The following CHSY3 variants were observed in gnomAD, a reference collection of about 807,000 sequenced individuals.
The protein encoded by CHSY3 is N-acetylgalactosaminyl-proteoglycan 3-beta-glucuronosyltransferase 3.
Under a neutral mutation model 67.2 loss-of-function variants are expected in CHSY3, and 35 were observed. That is an observed-to-expected ratio of 0.52 (90% confidence interval 0.40 to 0.69). The LOEUF (loss-of-function observed/expected upper bound fraction) is 0.69. CHSY3 is among the 30% of genes least tolerant of loss of function. The pLI, the probability that CHSY3 is intolerant of heterozygous loss-of-function variation, is 0.00. For synonymous variants in CHSY3, 474 were observed against 434.7 expected (o/e 1.09, Z -1.12); for missense variants, 1,069 against 1,138.5 (o/e 0.94, Z 0.88).
chr5:130,142,921 G>A (rs1030753438), intron 2 of CHSY3, among the ~76,000 whole-genome samples: 1 of 152,190 alleles, frequency 6.6e-6, no homozygotes, highest in African/African-American at 2.4e-5. Flanking sequence ...GAGCGAGCCA[G>A]AGGAAAGGGA....
chr5:129,944,647 A>G (rs1761799208), intron 2 of CHSY3, among the ~76,000 whole-genome samples: 1 of 152,134 alleles, frequency 6.6e-6, no homozygotes, highest in Non-Finnish European at 1.5e-5. Context: ...GAACAAATTT[A>G]TTATTTTGAA....
chr5:130,130,818 A>G (rs973924379), intron 2 of CHSY3, among the ~76,000 whole-genome samples: 3 of 152,120 alleles, frequency 2.0e-5, no homozygotes, highest in African/African-American at 7.2e-5. Context: ...TCTGTGAACC[A>G]CTTGTAGCAG....
At chr5:130,130,166 T>G (rs1768433709) in intron 2 of CHSY3, among the ~76,000 whole-genome samples, 1 of 152,146 alleles carries the variant, frequency 6.6e-6, no homozygotes, top group African/African-American at 2.4e-5. Flanking sequence ...CATGATTTAA[T>G]TTTTAAAGGT....
At chr5:130,128,449 C>G (rs1561549915) in intron 2 of CHSY3, among the ~76,000 whole-genome samples, 1 of 151,960 alleles carries the variant, frequency 6.6e-6, no homozygotes, top group East Asian at 1.9e-4. Flanking sequence ...AGTGATCCCA[C>G]TTATATGTAG....
At chr5:130,101,911 G>T (rs1014620521) in intron 2 of CHSY3, among the ~76,000 whole-genome samples, 2 of 151,944 alleles carry the variant, frequency 1.3e-5, no homozygotes, top group Non-Finnish European at 2.9e-5. Flanking sequence ...TGCTCCTTTT[G>T]TATTACATTT....
intron 2 of CHSY3, among the ~76,000 whole-genome samples, chr5:130,122,545 G>A (rs528826113): frequency 2.4e-4 from 36 of 152,310 alleles, no homozygotes; most frequent in African/African-American, 8.4e-4. Context: ...TAACAACACC[G>A]TCTTGAAGAA....
At chr5:129,976,243 A>G (rs1762803863) in intron 2 of CHSY3, among the ~76,000 whole-genome samples, 1 of 152,126 alleles carries the variant, frequency 6.6e-6, no homozygotes, top group Non-Finnish European at 1.5e-5. Context: ...TCTTTGATGA[A>G]CTGGAAGTTT....
Position 129,904,601 on chromosome 5 carries a change from C to A in CHSY3, c.-229C>A, listed in dbSNP as rs1760156147. The A allele has an allele frequency of 4.8e-6, 3 of 628,694 alleles. No homozygotes were observed. The highest frequency in any genetic ancestry group is 1.9e-5 in the African/African-American group (1 of 52,058). The allele number at this position is 628,694 out of a possible 1,614,324, so 38.9% of individuals were successfully genotyped here. ...CGCCGGGAGAAGTTTCACTCCCGAC[C>A]CTTGCTCGGAGCCCCGGCCCAGAGC... On this transcript the variant is annotated 5_prime_UTR_variant, in exon 1 of 3. Transcript: ENST00000305031.
chr5:130,156,191 G>A (rs558105105), intron 2 of CHSY3, among the ~76,000 whole-genome samples: 5 of 152,112 alleles, frequency 3.3e-5, no homozygotes, highest in East Asian at 1.9e-4. Context: ...AAAGAGAGAC[G>A]TTCAAGTTAC....
chr5:130,137,732 T>C (rs935455104), intron 2 of CHSY3, among the ~76,000 whole-genome samples: 7 of 152,174 alleles, frequency 4.6e-5, no homozygotes, highest in African/African-American at 1.7e-4. Context: ...ATATTCCCTA[T>C]GAAAAAGGCA....
At chr5:129,999,395 C>T (rs1763653195) in intron 2 of CHSY3, among the ~76,000 whole-genome samples, 1 of 152,004 alleles carries the variant, frequency 6.6e-6, no homozygotes, top group Non-Finnish European at 1.5e-5. Context: ...TAAAAACTTT[C>T]CATCATATAC....
At chr5:130,131,382 A>C (rs1194408374) in intron 2 of CHSY3, among the ~76,000 whole-genome samples, 1 of 152,124 alleles carries the variant, frequency 6.6e-6, no homozygotes, top group Admixed American at 6.6e-5. Context: ...TTCCATATAG[A>C]AGGAATAGAG....
intron 2 of CHSY3, among the ~76,000 whole-genome samples, chr5:129,952,894 A>AT: frequency 6.6e-6 from 1 of 152,328 alleles, no homozygotes; most frequent in South Asian, 2.1e-4. Flanking sequence ...TATTGTCCCC[A>AT]TTTTTAAAAT....
At chr5:130,013,592 C>T (rs552527122) in intron 2 of CHSY3, among the ~76,000 whole-genome samples, 2 of 152,274 alleles carry the variant, frequency 1.3e-5, no homozygotes, top group East Asian at 3.9e-4. Context: ...AAACAATGGC[C>T]CCAGCTGTAC....
intron 2 of CHSY3, 93 bp from the exon 3 acceptor site, chr5:130,184,136 A>G (rs1400672521): frequency 8.3e-6 from 10 of 1,210,846 alleles, no homozygotes. Flanking sequence ...AAATGTATTA[A>G]CATTTTCATT....
intron 2 of CHSY3, among the ~76,000 whole-genome samples, chr5:130,139,700 G>T (rs1040048864): frequency 1.3e-5 from 2 of 152,034 alleles, no homozygotes; most frequent in East Asian, 1.9e-4. Flanking sequence ...ATCATTACAG[G>T]TGCCATTATA....
intron 2 of CHSY3, among the ~76,000 whole-genome samples, chr5:130,050,539 G>T (rs1425168676): frequency 6.6e-6 from 1 of 152,010 alleles, no homozygotes; most frequent in Admixed American, 6.6e-5. Context: ...AACAATAGCT[G>T]GTTGTATATA....
At chr5:129,909,344 T>C (rs919887919) in intron 2 of CHSY3, among the ~76,000 whole-genome samples, 2 of 152,106 alleles carry the variant, frequency 1.3e-5, no homozygotes, top group African/African-American at 4.8e-5. Flanking sequence ...TTTCAAACTT[T>C]TCATGTCACT....
At chr5:130,101,149 C>T (rs1767229876) in intron 2 of CHSY3, among the ~76,000 whole-genome samples, 1 of 152,194 alleles carries the variant, frequency 6.6e-6, no homozygotes, top group Admixed American at 6.5e-5. Context: ...CTTATTTTCT[C>T]GTGCATGATC....
Sources: gnomAD v4.1 joint callset for allele counts (sites outside exome capture counted in the v4.1 genomes callset) on GRCh38, gnomAD v4.1.1 for gene constraint, MANE v1.5 for transcripts, NCBI Gene and HGNC (gene_info 2026-07-23, HGNC 2026-07-21) for gene names.